FANCI: variants seen among roughly 807,000 people sequenced by gnomAD.
FANCI encodes the protein FA complementation group I, also known as Fanconi anemia group I protein.
A neutral mutation model predicts 176.1 loss-of-function variants in FANCI; 156 were observed. The ratio of observed to expected loss-of-function variants is 0.89; its 90% CI spans 0.78 to 1.01. FANCI has a LOEUF of 1.01. FANCI is among the 50% of genes least tolerant of loss of function. The pLI is 0.00. For synonymous variants in FANCI, 613 were observed against 541.7 expected, an observed-to-expected ratio of 1.13 and a Z score of -1.83; for missense variants, 1,678 against 1,534.1, an observed-to-expected ratio of 1.09 and a Z score of -1.57.
intron 6 of FANCI, among the ~76,000 whole-genome samples, chr15:89,263,158 A>G (rs1486296355): frequency 6.6e-6 from 1 of 152,240 alleles, no homozygotes; most frequent in African/African-American, 2.4e-5. Flanking sequence ...CCAGCTTGTC[A>G]TACATTCCCT....
chr15:89,299,032 G>T (rs2054425239), intron 24 of FANCI, among the ~76,000 whole-genome samples: 1 of 151,982 alleles, frequency 6.6e-6, no homozygotes, highest in South Asian at 2.1e-4. Flanking sequence ...AAATTAGCTG[G>T]GCGTGGTGGT....
In FANCI at chr15:89,306,360, G is replaced by T. The variant is rs556283909; in HGVS notation, c.3537+166G>T. On this transcript the variant is annotated intron_variant, in intron 32 of 37. Coordinates refer to ENST00000310775, the MANE Select transcript of FANCI (RefSeq NM_001113378.2). ...TTTTAGTTTGGTCAGTAGGTGGCAG[G>T]CATCTCCACAGGCCAGGGAAAAACA... 6.2e-4 allele frequency among the ~76,000 whole-genome samples: 94 copies of T among 152,028 alleles called. 1 individual carries two copies. The highest frequency in any genetic ancestry group is 6.0e-4 in the Non-Finnish European group (41 of 67,984).
Position 89,317,040 on chromosome 15 carries a change from TTTAC to T in FANCI, c.*584_*587del, listed in dbSNP as rs780754049. ...TTTAAATAGAAAATAAGCTTTCTGA[TTTAC>T]TTGTTTGGTATTTAAAGCACAGTTT... On this transcript the variant is annotated 3_prime_UTR_variant, in exon 38 of 38. Coordinates refer to ENST00000310775, the MANE Select transcript of FANCI (RefSeq NM_001113378.2). 1.3e-5 allele frequency: 8 copies of T among 597,008 alleles called. No individual in the cohort carries two copies. The highest frequency in any genetic ancestry group is 2.1e-5 in the Non-Finnish European group (7 of 338,258). The allele number at this position is 597,008 out of a possible 1,614,324, so 37.0% of individuals were successfully genotyped here. A position where few individuals can be genotyped will look rare whatever the true frequency, so the allele number is the denominator to read the frequency against.
At chr15:89,264,400 A>G (rs2052850309) in intron 8 of FANCI, 122 bp from the exon 9 acceptor site, 1 of 801,556 alleles carries the variant, frequency 1.2e-6, no homozygotes, top group Non-Finnish European at 2.1e-6. Context: ...GTTTGAGTCT[A>G]AGTCATAGAT....
chr15:89,266,680 C>T (rs1168170954), intron 9 of FANCI, among the ~76,000 whole-genome samples: 1 of 150,970 alleles, frequency 6.6e-6, no homozygotes, highest in Non-Finnish European at 1.5e-5. Context: ...CACTGTGTTG[C>T]CCAGGCTGGT....
chr15:89,281,712 C>T, intron 15 of FANCI, 53 bp from the exon 16 acceptor site: 1 of 1,538,846 alleles, frequency 6.5e-7, no homozygotes. Flanking sequence ...GTAGAAATGA[C>T]CTAAGGCTAA....
At chr15:89,271,535 G>A (rs181655615) in intron 10 of FANCI, among the ~76,000 whole-genome samples, 155 of 152,262 alleles carry the variant, frequency 1.0e-3, no homozygotes, top group African/African-American at 3.6e-3. Flanking sequence ...GTCTCACTCT[G>A]TCACCTAGGG....
chr15:89,291,308 G>C (rs1474433746), intron 19 of FANCI, among the ~76,000 whole-genome samples: 1 of 152,124 alleles, frequency 6.6e-6, no homozygotes, highest in African/African-American at 2.4e-5. Flanking sequence ...CTTGGACTCA[G>C]CCAGTCTGAC....
chr15:89,300,297 T>C lies in FANCI; in HGVS notation c.2804-3T>C. 1 of 1,612,964 alleles carries C rather than the reference T, an allele frequency of 6.2e-7. No individual in the cohort carries two copies. The highest frequency in any genetic ancestry group is 1.7e-5 in the Admixed American group (1 of 60,020). On this transcript the variant is annotated splice_polypyrimidine_tract_variant and splice_region_variant and intron_variant, in intron 25 of 37. Transcript: ENST00000310775. ...AAGACAAGAGTTTCTTTTCCATTCC[T>C]AGATGTCACAGATAAGGAAGGAGAA...
Position 89,292,939 on chromosome 15 carries a change from TAGG to T in FANCI, c.2170-1_2171del. The T allele has an allele frequency of 6.2e-7, 1 of 1,614,128 alleles. No homozygotes were observed. On this transcript the variant is annotated splice_acceptor_variant and coding_sequence_variant, in exon 22 of 38. Transcript: ENST00000310775. LOFTEE classifies it high-confidence loss of function. The stretch of plus-strand genomic sequence containing the variant: ...TTGTTAATTTTTATCTTGTGTCTTT[TAGG>T]ATAAATCAGCAGATTTTTCTCAGAG...
chr15:89,252,525 A>G (rs1402103685), intron 2 of FANCI, among the ~76,000 whole-genome samples: 1 of 152,024 alleles, frequency 6.6e-6, no homozygotes, highest in African/African-American at 2.4e-5. Context: ...GGATCACCTG[A>G]GGTGAGGAGT....
intron 17 of FANCI, among the ~76,000 whole-genome samples, chr15:89,283,623 A>G (rs1328309098): frequency 6.6e-6 from 1 of 152,248 alleles, no homozygotes; most frequent in African/African-American, 2.4e-5. Flanking sequence ...TTACATCTTC[A>G]GAGAGAATTT....
chr15:89,306,624 G>A (rs1237190065), intron 32 of FANCI, among the ~76,000 whole-genome samples: 2 of 152,006 alleles, frequency 1.3e-5, no homozygotes, highest in Non-Finnish European at 2.9e-5. Context: ...CCCAGGAGGC[G>A]GAGGTTGCAG....
chr15:89,287,328 C>T (rs529894825), intron 18 of FANCI, among the ~76,000 whole-genome samples: 7 of 152,312 alleles, frequency 4.6e-5, no homozygotes, highest in Non-Finnish European at 1.0e-4. Context: ...ATGAACCAAC[C>T]TCTGCTCGCT....
At chr15:89,283,370 CTGAT>C in intron 17 of FANCI, 120 bp downstream of exon 17, 7 of 1,447,838 alleles carry the variant, frequency 4.8e-6, no homozygotes, top group Non-Finnish European at 4.7e-6. Context: ...ACTAAAGAGT[CTGAT>C]GATGATGATG....
chr15:89,267,516 G>A (rs1299660456), intron 9 of FANCI, among the ~76,000 whole-genome samples: 3 of 152,148 alleles, frequency 2.0e-5, no homozygotes, highest in Admixed American at 2.0e-4. Context: ...ATGTTATTGT[G>A]GGGGTGAGGG....
intron 16 of FANCI, chr15:89,282,175 A>G (rs2053640200): frequency 2.9e-6 from 1 of 347,928 alleles, no homozygotes; most frequent in Non-Finnish European, 5.6e-6. Context: ...TGTGATGTCA[A>G]GTACTTTGCT....
chr15:89,290,275 C>T lies in FANCI; in HGVS notation c.1884C>T (p.Leu628=). ...QLANSVMQTL[L]SQLKQFYEPK... is the part of the protein sequence containing the mutation. ...CTAATTCAGTCATGCAAACTCTGCT[C>T]TCACAGGTAAAATACATTTTTATGG... Residue 628 remains leucine (L), a synonymous_variant, in exon 19 of 38, where the codon CTC becomes CTT. Coordinates refer to ENST00000310775, the MANE Select transcript of FANCI (RefSeq NM_001113378.2). The T allele has an allele frequency of 6.2e-7, 1 of 1,612,336 alleles. No individual in the cohort carries two copies. The highest frequency in any genetic ancestry group is 8.5e-7 in the Non-Finnish European group (1 of 1,178,390).
intron 12 of FANCI, among the ~76,000 whole-genome samples, chr15:89,276,316 T>C (rs113578545): frequency 2.6e-5 from 4 of 152,376 alleles, no homozygotes; most frequent in African/African-American, 9.6e-5. Context: ...GACTATACTA[T>C]GACCTCTCTC....
Sources: allele counts gnomAD v4.1 joint callset (sites outside exome capture counted in the v4.1 genomes callset), GRCh38; gene constraint gnomAD v4.1.1; transcripts MANE v1.5; gene names NCBI Gene and HGNC (gene_info 2026-07-23, HGNC 2026-07-21).